Variants in GFRAL observed in about 807,000 individuals in gnomAD.
The protein encoded by GFRAL is GDNF family receptor alpha-like.
In GFRAL, 36 loss-of-function variants were observed where a neutral mutation model predicts 45.4. The observed-to-expected ratio is 0.79, with a 90% confidence interval of 0.61 to 1.05. The LOEUF is 1.05. Ranked by LOEUF, GFRAL falls within the 50% of genes least tolerant of loss-of-function variation. The pLI is 0.00. For missense variants in GFRAL, 507 were observed against 467.5 expected (o/e 1.08, Z -0.78); for synonymous variants, 166 against 154.1 (o/e 1.08, Z -0.57).
intron 1 of GFRAL, among the ~76,000 whole-genome samples, chr6:55,327,900 G>C (rs1037358282): frequency 6.6e-6 from 1 of 151,632 alleles, no homozygotes; most frequent in Non-Finnish European, 1.5e-5. Flanking sequence ...GAACCTTTTA[G>C]AAATAAAAAT....
At position 55,359,063 on chromosome 6, in the gene GFRAL, T is replaced by A. The variant is rs768596947; in HGVS notation, c.877T>A (p.Cys293Ser). The A allele has an allele frequency of 1.2e-6, 2 of 1,612,770 alleles. No individual in the cohort carries two copies. Among genetic ancestry groups the A allele is most frequent in the East Asian group, 4.5e-5 (2 of 44,826 alleles). ...LGTVLQVQCT[C>S]RTITQSEESL... is the part of the protein sequence containing the mutation. ...GACGGTCCTTCAAGTGCAATGTACC[T>A]GTAGGACCATTACACAAAGTGAGGA... Residue 293 changes from cysteine to serine, a missense_variant, in exon 6 of 9, where the codon TGT becomes AGT. Transcript: ENST00000340465.
intron 4 of GFRAL, among the ~76,000 whole-genome samples, chr6:55,350,384 C>T (rs557262369): frequency 6.6e-6 from 1 of 151,986 alleles, no homozygotes; most frequent in Admixed American, 6.6e-5. Flanking sequence ...TAATTAAAAC[C>T]AAATACTAGG....
intron 3 of GFRAL, among the ~76,000 whole-genome samples, chr6:55,336,740 A>C (rs921091394): frequency 2.6e-5 from 4 of 152,182 alleles, no homozygotes; most frequent in African/African-American, 9.6e-5. Flanking sequence ...TATTACCCCA[A>C]CTAGAGCTTT....
chr6:55,328,882 GCTTGTTTGACATTAT>G (rs1767797476), intron 1 of GFRAL, among the ~76,000 whole-genome samples: 1 of 151,938 alleles, frequency 6.6e-6, no homozygotes, highest in African/African-American at 2.4e-5. Flanking sequence ...TTTTTAGAAT[GCTTGTTTGACATTAT>G]CTAAATAGGT....
chr6:55,388,618 G>A (rs1343462934), intron 6 of GFRAL, among the ~76,000 whole-genome samples: 2 of 152,168 alleles, frequency 1.3e-5, no homozygotes, highest in African/African-American at 4.8e-5. Flanking sequence ...CTACACAACT[G>A]CTTCGACTCA....
At chr6:55,330,282 A>G (rs747163856) in intron 1 of GFRAL, among the ~76,000 whole-genome samples, 73 of 152,124 alleles carry the variant, frequency 4.8e-4, no homozygotes, top group Non-Finnish European at 8.4e-4. Flanking sequence ...TCATTTATTG[A>G]ATACCTATAC....
intron 8 of GFRAL, among the ~76,000 whole-genome samples, chr6:55,400,921 A>G (rs1164351021): frequency 2.0e-5 from 3 of 152,176 alleles, no homozygotes; most frequent in Non-Finnish European, 4.4e-5. Context: ...ATGGTTCTCA[A>G]TCTTTACTTC....
At chr6:55,348,536 C>A (rs1459097519) in intron 3 of GFRAL, among the ~76,000 whole-genome samples, 2 of 151,988 alleles carry the variant, frequency 1.3e-5, no homozygotes, top group Admixed American at 1.3e-4. Context: ...AGATAAAGGT[C>A]CCCAGAATCT....
chr6:55,381,916 A>G (rs1581756887), intron 6 of GFRAL, among the ~76,000 whole-genome samples: 1 of 151,900 alleles, frequency 6.6e-6, no homozygotes, highest in Non-Finnish European at 1.5e-5. Context: ...AGTATAGCCA[A>G]TTCAAATAAA....
At chr6:55,348,237 A>ATGAGT (rs1768068988) in intron 3 of GFRAL, among the ~76,000 whole-genome samples, 16 of 150,316 alleles carry the variant, frequency 1.1e-4, no homozygotes, top group Admixed American at 8.0e-4. Context: ...GGAAAAAATG[A>ATGAGT]GTGTGTGTGT....
chr6:55,396,824 T>C (rs1768831435), intron 6 of GFRAL, among the ~76,000 whole-genome samples: 1 of 151,718 alleles, frequency 6.6e-6, no homozygotes, highest in Non-Finnish European at 1.5e-5. Flanking sequence ...GTTCTACCTC[T>C]ATTACTTTTA....
chr6:55,354,877 C>T (rs1477615563), intron 5 of GFRAL, among the ~76,000 whole-genome samples: 3 of 151,866 alleles, frequency 2.0e-5, no homozygotes, highest in African/African-American at 7.3e-5. Flanking sequence ...TATTTTTTAA[C>T]TGCCAAAGAG....
At chr6:55,401,040 TA>T (rs749193078) in intron 8 of GFRAL, among the ~76,000 whole-genome samples, 2 of 152,196 alleles carry the variant, frequency 1.3e-5, no homozygotes, top group Non-Finnish European at 2.9e-5. Context: ...CATAATTCCC[TA>T]TGTATTTGCT....
chr6:55,369,890 G>C (rs1768427763), intron 6 of GFRAL, among the ~76,000 whole-genome samples: 3 of 152,068 alleles, frequency 2.0e-5, no homozygotes, highest in African/African-American at 7.2e-5. Context: ...TTTGTTGCCT[G>C]TGTCAGCTGT....
chr6:55,331,605 C>A, intron 1 of GFRAL, 110 bp from the exon 2 acceptor site: 3 of 887,814 alleles, frequency 3.4e-6, no homozygotes, highest in Non-Finnish European at 3.3e-6. Context: ...TCAATTATTT[C>A]ACTACATGTT....
chr6:55,376,961 G>A (rs1768543242), intron 6 of GFRAL, among the ~76,000 whole-genome samples: 1 of 151,620 alleles, frequency 6.6e-6, no homozygotes, highest in Admixed American at 6.6e-5. Flanking sequence ...TCAATGTTAG[G>A]GGATCCTTAT....
intron 3 of GFRAL, among the ~76,000 whole-genome samples, chr6:55,343,949 A>T (rs1307520073): frequency 6.6e-6 from 1 of 152,192 alleles, no homozygotes; most frequent in East Asian, 1.9e-4. Flanking sequence ...AAATGGATAA[A>T]TTCCTGGATG....
intron 3 of GFRAL, among the ~76,000 whole-genome samples, chr6:55,344,741 A>G (rs1768015610): frequency 6.6e-6 from 1 of 152,210 alleles, no homozygotes; most frequent in Non-Finnish European, 1.5e-5. Context: ...GGAAAAGAGA[A>G]AGTCAAATTG....
chr6:55,342,947 T>C (rs966598066), intron 3 of GFRAL, among the ~76,000 whole-genome samples: 3 of 151,988 alleles, frequency 2.0e-5, no homozygotes, highest in African/African-American at 7.3e-5. Context: ...TACATAATGG[T>C]AAAGGGATCA....
Sources: gnomAD v4.1 joint callset for allele counts (sites outside exome capture counted in the v4.1 genomes callset) on GRCh38, gnomAD v4.1.1 for gene constraint, MANE v1.5 for transcripts, NCBI Gene and HGNC (gene_info 2026-07-23, HGNC 2026-07-21) for gene names.